Variants in SCHIP1 observed in about 807,000 individuals in gnomAD.
SCHIP1 encodes the protein schwannomin-interacting protein 1.
A neutral mutation model predicts 29.7 loss-of-function variants in SCHIP1; 8 were observed. The ratio of observed to expected loss-of-function variants is 0.27; its 90% CI spans 0.16 to 0.49. The LOEUF (loss-of-function observed/expected upper bound fraction) is 0.49. Among genes scored for constraint, SCHIP1 ranks in the 20% least tolerant of loss-of-function variants. The pLI, the probability that SCHIP1 is intolerant of heterozygous loss-of-function variation, is 0.99. For synonymous variants in SCHIP1, 76 were observed against 94.9 expected (o/e 0.80, Z 1.16); for missense variants, 193 against 294.6 (o/e 0.66, Z 2.52).
At chr3:159,886,044 C>G (rs986721867) in intron 2 of SCHIP1, among the ~76,000 whole-genome samples, 163 bp from the exon 4 acceptor site, 1 of 152,250 alleles carries the variant, frequency 6.6e-6, no homozygotes, top group African/African-American at 2.4e-5. Flanking sequence ...GGAAAATCCT[C>G]TACTAAGAGT....
chr3:159,634,539 G>A, the SCHIP1 span, among the ~76,000 whole-genome samples: 1 of 152,128 alleles, frequency 6.6e-6, no homozygotes, highest in African/African-American at 2.4e-5. Context: ...TCTTCCTTTT[G>A]TTATGACTTC....
chr3:159,652,200 T>C, the SCHIP1 span, among the ~76,000 whole-genome samples: 9 of 152,206 alleles, frequency 5.9e-5, no homozygotes, highest in Non-Finnish European at 1.3e-4. Context: ...CCAACTTCAT[T>C]AGGATTTGTT....
chr3:159,531,146 G>A, the SCHIP1 span, among the ~76,000 whole-genome samples: 1 of 152,088 alleles, frequency 6.6e-6, no homozygotes, highest in Non-Finnish European at 1.5e-5. Flanking sequence ...AAACCTTTAT[G>A]GAATAATTTT....
chr3:159,609,177 G>C, the SCHIP1 span, among the ~76,000 whole-genome samples: 2 of 152,142 alleles, frequency 1.3e-5, no homozygotes, highest in Non-Finnish European at 2.9e-5. Flanking sequence ...TGGAGGGAGG[G>C]CATCAAGAAA....
chr3:159,543,759 T>C, the SCHIP1 span, among the ~76,000 whole-genome samples: 1 of 152,126 alleles, frequency 6.6e-6, no homozygotes, highest in African/African-American at 2.4e-5. Flanking sequence ...GGTCAAATGG[T>C]ATTTCTAGTT....
At chr3:159,311,656 T>A in the SCHIP1 span, among the ~76,000 whole-genome samples, 5 of 152,162 alleles carry the variant, frequency 3.3e-5, no homozygotes, top group Non-Finnish European at 5.9e-5. Flanking sequence ...TCATTTAATC[T>A]TTTTCTAATT....
the SCHIP1 span, among the ~76,000 whole-genome samples, chr3:159,283,235 C>T: frequency 2.6e-5 from 4 of 152,166 alleles, no homozygotes; most frequent in African/African-American, 9.7e-5. Context: ...TCACTGCAAC[C>T]TCCGCCTCCT....
chr3:159,826,761 C>A, the SCHIP1 span, among the ~76,000 whole-genome samples: 1 of 152,244 alleles, frequency 6.6e-6, no homozygotes, highest in East Asian at 1.9e-4. Flanking sequence ...AATAAAAAAG[C>A]CCCAGCACTT....
chr3:159,587,264 C>G, the SCHIP1 span, among the ~76,000 whole-genome samples: 1 of 152,058 alleles, frequency 6.6e-6, no homozygotes, highest in African/African-American at 2.4e-5. Flanking sequence ...TATGTATCAT[C>G]TTGAAATACA....
At chr3:159,566,350 A>G in the SCHIP1 span, among the ~76,000 whole-genome samples, 1 of 152,256 alleles carries the variant, frequency 6.6e-6, no homozygotes, top group Non-Finnish European at 1.5e-5. Context: ...CAAATATTTA[A>G]TGAGCAACTA....
intron 2 of SCHIP1, among the ~76,000 whole-genome samples, chr3:159,869,429 A>C (rs1715000084): frequency 6.6e-6 from 1 of 151,992 alleles, no homozygotes; most frequent in African/African-American, 2.4e-5. Context: ...GGTATGGAGA[A>C]GTCAAATTTG....
chr3:159,281,158 G>A, the SCHIP1 span, among the ~76,000 whole-genome samples: 1 of 152,244 alleles, frequency 6.6e-6, no homozygotes, highest in Middle Eastern at 3.4e-3. Context: ...AGTCGCCCTT[G>A]CCAACTAAAC....
At chr3:159,896,087 G>A (rs1718036863) in intron 6 of SCHIP1, among the ~76,000 whole-genome samples, 2 of 152,184 alleles carry the variant, frequency 1.3e-5, no homozygotes, top group South Asian at 4.1e-4. Context: ...ACATGCAAAC[G>A]TGGAATATCT....
At chr3:159,423,553 G>A in the SCHIP1 span, among the ~76,000 whole-genome samples, 1 of 152,224 alleles carries the variant, frequency 6.6e-6, no homozygotes, top group African/African-American at 2.4e-5. Context: ...AAAGCAGCTG[G>A]GAAGCTCAAA....
the SCHIP1 span, among the ~76,000 whole-genome samples, chr3:159,419,578 G>A: frequency 2.0e-5 from 3 of 152,296 alleles, no homozygotes; most frequent in African/African-American, 7.2e-5. Context: ...GGAGGCCAAG[G>A]CAGGTAGATC....
the SCHIP1 span, among the ~76,000 whole-genome samples, chr3:159,613,214 G>A: frequency 6.6e-6 from 1 of 152,174 alleles, no homozygotes; most frequent in Non-Finnish European, 1.5e-5. Flanking sequence ...CTGCAAGATA[G>A]AATATGAGAG....
chr3:159,842,686 G>A lies in SCHIP1; in HGVS notation c.30+2472G>A, dbSNP rs1033652334. ...TGGCCCTGCACCTGCTATTCCTTCT[G>A]CCTGGCATGCACCCCCACCTCCCCT... On this transcript the variant is annotated intron_variant, in intron 1 of 6. Transcript: ENST00000445224. Among the ~76,000 whole-genome samples, 12 of 151,848 alleles carry A rather than the reference G, an allele frequency of 7.9e-5. No individual in the cohort carries two copies. In the East Asian group the frequency reaches 1.4e-3, roughly 17 times the overall value.
At chr3:159,539,864 A>G in the SCHIP1 span, among the ~76,000 whole-genome samples, 1 of 150,850 alleles carries the variant, frequency 6.6e-6, no homozygotes, top group Non-Finnish European at 1.5e-5. Context: ...TTACATTGAG[A>G]ACTATGGACA....
chr3:159,635,665 T>C, the SCHIP1 span, among the ~76,000 whole-genome samples: 6 of 152,176 alleles, frequency 3.9e-5, no homozygotes, highest in African/African-American at 1.4e-4. Context: ...GAGTCTAGCT[T>C]CCTTACTCTC....
Sources: gnomAD v4.1 joint callset for allele counts (sites outside exome capture counted in the v4.1 genomes callset) on GRCh38, gnomAD v4.1.1 for gene constraint, MANE v1.5 for transcripts, NCBI Gene and HGNC (gene_info 2026-07-23, HGNC 2026-07-21) for gene names.